Variants in THSD7B observed in about 807,000 individuals in gnomAD.
THSD7B encodes thrombospondin type 1 domain containing 7B.
THSD7B carries 138 observed loss-of-function variants against 213.6 expected under a neutral mutation model. The observed-to-expected ratio is 0.65, with a 90% CI of 0.56 to 0.74. The LOEUF is 0.74. THSD7B is among the 30% of genes least tolerant of loss of function. The pLI is 0.00. For missense variants in THSD7B, 1,931 were observed against 1,991.5 expected (o/e 0.97, Z 0.58); for synonymous variants, 742 against 687.0 (o/e 1.08, Z -1.25).
chr2:136,830,925 A>T (rs1682743532), intron 1 of THSD7B, among the ~76,000 whole-genome samples: 1 of 152,088 alleles, frequency 6.6e-6, no homozygotes, highest in African/African-American at 2.4e-5. Context: ...TTCCTTTTGG[A>T]CTGTTTTTAG....
At chr2:136,995,087 T>A (rs568304802) in intron 2 of THSD7B, among the ~76,000 whole-genome samples, 46 of 152,268 alleles carry the variant, frequency 3.0e-4, no homozygotes, top group African/African-American at 1.0e-3. Flanking sequence ...TCAACAAACA[T>A]CTCTTGTGAT....
At chr2:136,813,399 T>C (rs1055178354) in intron 1 of THSD7B, among the ~76,000 whole-genome samples, 5 of 150,304 alleles carry the variant, frequency 3.3e-5, no homozygotes, top group African/African-American at 1.3e-4. Context: ...AAGTTAATGA[T>C]AGATACTTCC....
intron 2 of THSD7B, 64 bp downstream of exon 2, chr2:136,882,381 C>T: frequency 8.2e-7 from 1 of 1,224,438 alleles, no homozygotes; most frequent in East Asian, 3.3e-5. Context: ...TCTTTCCATC[C>T]TTCTTCTTCT....
intron 15 of THSD7B, among the ~76,000 whole-genome samples, chr2:137,462,715 G>A (rs1447053737): frequency 1.3e-5 from 2 of 151,718 alleles, no homozygotes; most frequent in Non-Finnish European, 2.9e-5. Context: ...TTCCTTTTAG[G>A]TTGACAAGAT....
At chr2:137,000,409 C>G (rs1201453872) in intron 2 of THSD7B, among the ~76,000 whole-genome samples, 4 of 152,020 alleles carry the variant, frequency 2.6e-5, no homozygotes, top group African/African-American at 4.8e-5. Context: ...TTAAAGGTGA[C>G]ATATTTTAAT....
chr2:137,348,916 T>C (rs1684943011), intron 12 of THSD7B, among the ~76,000 whole-genome samples: 1 of 151,428 alleles, frequency 6.6e-6, no homozygotes, highest in Non-Finnish European at 1.5e-5. Flanking sequence ...TTCTGGAGGG[T>C]TCAAAAACTG....
chr2:136,883,402 C>T (rs1045333312), intron 2 of THSD7B, among the ~76,000 whole-genome samples: 1 of 150,828 alleles, frequency 6.6e-6, no homozygotes, highest in African/African-American at 2.4e-5. Context: ...TGCATTAAAG[C>T]CCCTATAAAT....
intron 9 of THSD7B, 139 bp downstream of exon 9, chr2:137,233,272 A>C (rs918534945): frequency 9.3e-6 from 7 of 749,456 alleles, no homozygotes; most frequent in Admixed American, 2.8e-5. Flanking sequence ...TGACCATTAA[A>C]GATTAAAACA....
At chr2:136,872,546 TCTTTTCTTTTC>T (rs1253463527) in intron 1 of THSD7B, among the ~76,000 whole-genome samples, 1 of 151,704 alleles carries the variant, frequency 6.6e-6, no homozygotes, top group African/African-American at 2.4e-5. Context: ...TTTCTCTTTT[TCTTTTCTTTTC>T]CTTTTCTTTT....
At chr2:137,162,481 A>G (rs1275979250) in intron 6 of THSD7B, among the ~76,000 whole-genome samples, 1 of 152,018 alleles carries the variant, frequency 6.6e-6, no homozygotes, top group East Asian at 1.9e-4. Flanking sequence ...TTCCCTTCAA[A>G]CTTCAAAGAC....
At chr2:136,993,129 A>G (rs905316557) in intron 2 of THSD7B, among the ~76,000 whole-genome samples, 1 of 152,344 alleles carries the variant, frequency 6.6e-6, no homozygotes, top group Admixed American at 6.5e-5. Flanking sequence ...TGAAAAACCG[A>G]GGATTGTCAG....
intron 12 of THSD7B, among the ~76,000 whole-genome samples, chr2:137,365,717 C>T (rs1279840082): frequency 6.6e-6 from 1 of 152,102 alleles, no homozygotes; most frequent in African/African-American, 2.4e-5. Context: ...GTTAGAATGG[C>T]AATCATTAAA....
intron 1 of THSD7B, among the ~76,000 whole-genome samples, chr2:136,792,332 A>C (rs930291464): frequency 6.6e-6 from 1 of 151,982 alleles, no homozygotes; most frequent in Admixed American, 6.6e-5. Flanking sequence ...AACAGTGAAA[A>C]GATCAGTGGT....
At chr2:137,450,308 C>T (rs780121013) in intron 14 of THSD7B, among the ~76,000 whole-genome samples, 1 of 152,178 alleles carries the variant, frequency 6.6e-6, no homozygotes, top group Non-Finnish European at 1.5e-5. Flanking sequence ...AGTGCAATAT[C>T]TCATTTTACA....
chr2:137,383,479 A>G (rs924551843), intron 12 of THSD7B, among the ~76,000 whole-genome samples: 2 of 152,098 alleles, frequency 1.3e-5, no homozygotes, highest in African/African-American at 4.8e-5. Flanking sequence ...GGCCTTGGGG[A>G]TGGAATGTAA....
intron 17 of THSD7B, among the ~76,000 whole-genome samples, chr2:137,583,673 G>T (rs1484862428): frequency 2.0e-5 from 3 of 152,124 alleles, no homozygotes; most frequent in East Asian, 1.9e-4. Context: ...ATTTCTGAGG[G>T]CTCTGTTCTG....
chr2:137,532,908 T>C (rs1680426156), intron 15 of THSD7B, among the ~76,000 whole-genome samples: 1 of 151,450 alleles, frequency 6.6e-6, no homozygotes, highest in Non-Finnish European at 1.5e-5. Flanking sequence ...TATATATGTA[T>C]ACATATATGC....
At chr2:136,802,093 G>C (rs1423002505) in intron 1 of THSD7B, among the ~76,000 whole-genome samples, 1 of 151,990 alleles carries the variant, frequency 6.6e-6, no homozygotes, top group Non-Finnish European at 1.5e-5. Flanking sequence ...AAGTTGGATA[G>C]GGATGTATTA....
chr2:136,827,317 A>G (rs1253450755), intron 1 of THSD7B, among the ~76,000 whole-genome samples: 1 of 152,194 alleles, frequency 6.6e-6, no homozygotes. Context: ...ACCTATTTGG[A>G]CCAGCATCTG....
Sources: allele counts gnomAD v4.1 joint callset (sites outside exome capture counted in the v4.1 genomes callset), GRCh38; gene constraint gnomAD v4.1.1; transcripts MANE v1.5; gene names NCBI Gene and HGNC (gene_info 2026-07-23, HGNC 2026-07-21).